TTLL12: variants seen among roughly 807,000 people sequenced by gnomAD.
TTLL12 encodes tubulin--tyrosine ligase-like protein 12.
A neutral mutation model predicts 79.6 loss-of-function variants in TTLL12; 77 were observed. That is an observed-to-expected ratio of 0.97 (90% CI 0.81 to 1.17). The LOEUF is 1.17. Ranked by LOEUF, TTLL12 falls within the 50% of genes most tolerant of loss-of-function variation. The pLI is 0.00. For missense variants in TTLL12, 969 were observed against 895.9 expected (o/e 1.08, Z -1.04); for synonymous variants, 437 against 376.1 (o/e 1.16, Z -1.87).
In TTLL12 at chr22:43,167,904, C is replaced by A; in HGVS notation, c.*104G>T. The A allele has an allele frequency of 2.7e-6, 4 of 1,456,946 alleles. No homozygotes were observed. Among genetic ancestry groups the A allele is most frequent in the Non-Finnish European group, 3.7e-6 (4 of 1,068,570 alleles). 90.3% of individuals were successfully genotyped at this position (1,456,946 alleles called of 1,614,324 possible). ...ACAGAGGCCTGGGGCTGAGGCTATG[C>A]CCAGGGCCGGTGTGGGGAGGGACAT... On this transcript the variant is annotated 3_prime_UTR_variant, in exon 14 of 14. Coordinates refer to ENST00000216129, the MANE Select transcript of TTLL12 (RefSeq NM_015140.4).
chr22:43,173,553 G>T (rs940276507), intron 9 of TTLL12, among the ~76,000 whole-genome samples, 162 bp downstream of exon 9: 5 of 152,182 alleles, frequency 3.3e-5, no homozygotes, highest in Non-Finnish European at 5.9e-5. Context: ...CTGGGCTCAA[G>T]TGATCCTCCT....
chr22:43,176,531 A>G (rs1931917824), intron 5 of TTLL12, 135 bp from the exon 6 acceptor site: 1 of 720,854 alleles, frequency 1.4e-6, no homozygotes, highest in South Asian at 1.6e-5. Context: ...GGAGCTCGAG[A>G]CCAGCCTGGC....
At chr22:43,170,346 C>T (rs897766932) in intron 11 of TTLL12, 30 of 198,818 alleles carry the variant, frequency 1.5e-4, no homozygotes, top group African/African-American at 4.5e-4. Flanking sequence ...CAGGACCACT[C>T]GGCCCCTGTG....
At position 43,171,644 on chromosome 22, in the gene TTLL12, C is replaced by T. The variant is rs575553304; in HGVS notation, c.1575+175G>A. On this transcript the variant is annotated intron_variant, in intron 11 of 13. Transcript: ENST00000216129. Reference sequence around the variant, plus strand: ...GAGACCTACCTGAGACAACACAGAACCCAGCCTGGCTCATGATGGCAGCGC... The same window carrying T: ...GAGACCTACCTGAGACAACACAGAATCCAGCCTGGCTCATGATGGCAGCGC... 262 of 582,210 alleles carry T rather than the reference C, an allele frequency of 4.5e-4. 1 individual carries two copies. Among genetic ancestry groups the T allele is most frequent in the Non-Finnish European group, 7.1e-4 (231 of 324,080 alleles). 36.1% of individuals were successfully genotyped at this position (582,210 alleles called of 1,614,324 possible).
chr22:43,172,433 T>C lies in TTLL12; in HGVS notation c.1463A>G (p.Tyr488Cys), dbSNP rs147523583. 6,642 of 1,614,148 alleles carry C rather than the reference T, an allele frequency of 4.1e-3. 22 individuals are homozygous for C. Among genetic ancestry groups the C allele is most frequent in the Non-Finnish European group, 5.3e-3 (6,262 of 1,180,020 alleles). ...GGAGAACCGCAGCCAGAACACATCA[T>C]ACACGAACAACCGTAGGGGCCTCAC... ...RSVRPLRLFV[Y>C]DVFWLRFSNR... Residue 488 changes from tyrosine (Y) to cysteine (C), a missense_variant, in exon 10 of 14, where the codon TAT becomes TGT. Transcript: ENST00000216129.
chr22:43,174,080 T>C, intron 8 of TTLL12, 129 bp downstream of exon 8: 2 of 1,296,490 alleles, frequency 1.5e-6, no homozygotes. Flanking sequence ...GGCCGTGACG[T>C]TCGGGGCCCA....
intron 5 of TTLL12, among the ~76,000 whole-genome samples, chr22:43,177,614 C>A (rs1601772596): frequency 6.6e-6 from 1 of 152,210 alleles, no homozygotes; most frequent in Non-Finnish European, 1.5e-5. Flanking sequence ...ATCCTGAGGA[C>A]ACCTGAGCAC....
At position 43,168,896 on chromosome 22, in the gene TTLL12, G is replaced by A; in HGVS notation, c.1661C>T (p.Ala554Val). ...GGCCACCTGGAACAGCTCCGTGAAG[G>A]CCCGGAAGATCTCAGCCTGGGGACC... ...WTDVQAEIFR[A>V]FTELFQVACA... The change falls in exon 13 of 14, where the codon GCC (alanine) becomes GTC (valine). Residue 554 changes from alanine (A) to valine (V), a missense_variant. By Grantham distance (64) the Ala-to-Val change is moderately conservative (BLOSUM62 0). Transcript: ENST00000216129. 1.2e-6 allele frequency: 2 copies of A among 1,610,910 alleles called. No individual in the cohort carries two copies. Among genetic ancestry groups the A allele is most frequent in the Non-Finnish European group, 8.5e-7 (1 of 1,178,784 alleles).
chr22:43,179,500 C>G (rs2147073963), intron 5 of TTLL12, 119 bp downstream of exon 5: 1 of 1,369,094 alleles, frequency 7.3e-7, no homozygotes, highest in Non-Finnish European at 9.6e-7. Context: ...CTATGCCTCC[C>G]ACGGTAACTG....
At chr22:43,180,644 G>A in intron 3 of TTLL12, 98 bp downstream of exon 3, 1 of 1,353,624 alleles carries the variant, frequency 7.4e-7, no homozygotes, top group Non-Finnish European at 1.0e-6. Flanking sequence ...TGAGTTGCTT[G>A]CTCTGGCCGG....
At chr22:43,181,093 C>T (rs906470420) in intron 2 of TTLL12, among the ~76,000 whole-genome samples, 153 bp from the exon 3 acceptor site, 3 of 152,150 alleles carry the variant, frequency 2.0e-5, no homozygotes, top group Non-Finnish European at 4.4e-5. Context: ...GTTTTGGACT[C>T]CAGTGGGCCT....
Position 43,166,904 on chromosome 22 carries a change from T to C in TTLL12, c.*1104A>G, listed in dbSNP as rs1931631362. 3.6e-6 allele frequency: 1 copy of C among 275,106 alleles called. No individual in the cohort carries two copies. The highest frequency in any genetic ancestry group is 7.1e-6 in the Non-Finnish European group (1 of 140,650). The allele number at this position is 275,106 out of a possible 1,614,324, so 17.0% of individuals were successfully genotyped here. The stretch of plus-strand genomic sequence containing the variant: ...CACCTAGCCCTGCCCTCCCATGCAC[T>C]GGAAGGCTCTGGAAGTAGCTCTCGC... On this transcript the variant is annotated 3_prime_UTR_variant, in exon 14 of 14. Transcript: ENST00000216129.
intron 3 of TTLL12, 57 bp downstream of exon 3, chr22:43,180,685 C>G: frequency 6.4e-7 from 1 of 1,571,278 alleles, no homozygotes; most frequent in Non-Finnish European, 8.7e-7. Flanking sequence ...CACAGGGCAG[C>G]GGAGGTCTGT....
intron 2 of TTLL12, among the ~76,000 whole-genome samples, chr22:43,182,303 T>G (rs1238183020): frequency 6.6e-6 from 1 of 152,218 alleles, no homozygotes; most frequent in Admixed American, 6.5e-5. Context: ...GCTGTCCGTA[T>G]TTCCGGGGTG....
chr22:43,172,703 T>C, intron 9 of TTLL12, 149 bp from the exon 10 acceptor site: 1 of 483,820 alleles, frequency 2.1e-6, no homozygotes, highest in Non-Finnish European at 3.1e-6. Context: ...TGCAAAGTCT[T>C]TTTTTTTTTT....
intron 1 of TTLL12, among the ~76,000 whole-genome samples, chr22:43,186,199 C>CCCT (rs1555982142): frequency 1.4e-5 from 2 of 147,962 alleles, no homozygotes; most frequent in African/African-American, 4.9e-5. Flanking sequence ...ACCCCCCCCC[C>CCCT]CGCCAGCCCG....
chr22:43,169,696 C>CTGAGGGTTCGGGGTTGG, intron 11 of TTLL12, 128 bp from the exon 12 acceptor site: 1 of 938,424 alleles, frequency 1.1e-6, no homozygotes, highest in Non-Finnish European at 1.7e-6. Flanking sequence ...GCAGCCAACC[C>CTGAGGGTTCGGGGTTGG]CGAACCCTCA....
intron 13 of TTLL12, 108 bp from the exon 14 acceptor site, chr22:43,168,267 G>A: frequency 6.9e-7 from 1 of 1,449,842 alleles, no homozygotes; most frequent in African/African-American, 1.4e-5. Flanking sequence ...CCTGGGCCCT[G>A]ATTCCCAGGG....
At chr22:43,180,083 A>T in intron 3 of TTLL12, 83 bp from the exon 4 acceptor site, 1 of 1,458,766 alleles carries the variant, frequency 6.9e-7, no homozygotes, top group African/African-American at 1.4e-5. Context: ...ATCGACCACC[A>T]GCCCACAGCC....
Sources: allele counts gnomAD v4.1 joint callset (sites outside exome capture counted in the v4.1 genomes callset), GRCh38; gene constraint gnomAD v4.1.1; transcripts MANE v1.5; gene names NCBI Gene and HGNC (gene_info 2026-07-23, HGNC 2026-07-21).